The following CLEC4D variants were observed in gnomAD, a reference collection of about 807,000 sequenced individuals.
CLEC4D encodes the protein C-type lectin domain family 4 member D.
A neutral mutation model predicts 21.1 loss-of-function variants in CLEC4D; 21 were observed. That is an observed-to-expected ratio of 1.00 (90% CI 0.71 to 1.43). CLEC4D has a LOEUF of 1.43. Among genes scored for constraint, CLEC4D ranks in the 40% most tolerant of loss-of-function variants. CLEC4D has a pLI of 0.00. For synonymous variants in CLEC4D, 85 were observed against 83.1 expected (o/e 1.02, Z -0.12); for missense variants, 289 against 260.7 (o/e 1.11, Z -0.75).
At position 8,521,117 on chromosome 12, in the gene CLEC4D, C is replaced by T; in HGVS notation, c.501-7C>T. On this transcript the variant is annotated splice_region_variant and splice_polypyrimidine_tract_variant and intron_variant, in intron 5 of 5. Coordinates refer to ENST00000299665, the MANE Select transcript of CLEC4D (RefSeq NM_080387.5). ...ATAAATCTCTATCTATGTTGTTGTT[C>T]TTTCAGATTCTGGCATAAGAATGAA... The T allele has an allele frequency of 6.2e-7, 1 of 1,611,090 alleles. No individual in the cohort carries two copies. Among genetic ancestry groups the T allele is most frequent in the Non-Finnish European group, 8.5e-7 (1 of 1,178,734 alleles).
intron 1 of CLEC4D, among the ~76,000 whole-genome samples, chr12:8,514,110 C>T (rs2136383073): frequency 6.6e-6 from 1 of 151,910 alleles, no homozygotes; most frequent in South Asian, 2.1e-4. Flanking sequence ...TCTAACTGTC[C>T]CATTTTATGT....
Position 8,513,555 on chromosome 12 carries a change from C to T in CLEC4D, c.-178C>T. On this transcript the variant is annotated 5_prime_UTR_variant, in exon 1 of 6. Transcript: ENST00000299665. ...AAACCCCTGTCTTTGAAAAAGACTT[C>T]TTTTGAGCTAACTTTCTTATACTGG... The T allele has an allele frequency of 1.7e-5, 6 of 345,590 alleles. No homozygotes were observed. Among genetic ancestry groups the T allele is most frequent in the South Asian group, 9.7e-5 (1 of 10,278 alleles). The allele number at this position is 345,590 out of a possible 1,614,324, so 21.4% of individuals were successfully genotyped here. A position where few individuals can be genotyped will look rare whatever the true frequency, so the allele number is the denominator to read the frequency against.
rs1382155805 is a variant in CLEC4D at position 8,520,273 on chromosome 12, A to C, written c.432A>C (p.Gly144=). Residue 144 remains glycine, a synonymous_variant, in exon 5 of 6, where the codon GGA becomes GGC. Transcript: ENST00000299665. ...ATAGACGGCTTTCCTATTTCCTTGG[A>C]CTTAGAGATGAGAATGCCAAAGGTC... ...FLDRRLSYFL[G]LRDENAKGQW... is the part of the protein sequence containing the mutation. 6.2e-7 allele frequency: 1 copy of C among 1,613,886 alleles called. No homozygotes were observed. Among genetic ancestry groups the C allele is most frequent in the East Asian group, 2.2e-5 (1 of 44,884 alleles).
At position 8,515,217 on chromosome 12, in the gene CLEC4D, A is replaced by G. The variant is rs747416184; in HGVS notation, c.29-19A>G. On this transcript the variant is annotated intron_variant, in intron 1 of 5. Transcript: ENST00000299665. ...TGTAGCTGAGAGGAGGTTAATCTCT[A>G]TTTTTCTTTTGGTCCTAGTGGAAGG... 1.8e-6 allele frequency: 2 copies of G among 1,139,070 alleles called. No homozygotes were observed. Among genetic ancestry groups the G allele is most frequent in the Admixed American group, 1.7e-5 (1 of 59,380 alleles). The allele number at this position is 1,139,070 out of a possible 1,614,324, so 70.6% of individuals were successfully genotyped here.
At chr12:8,520,395 A>G (rs1013523957) in intron 5 of CLEC4D, 54 bp downstream of exon 5, 38 of 1,577,688 alleles carry the variant, frequency 2.4e-5, no homozygotes, top group Non-Finnish European at 3.2e-5. Context: ...AGAAGATGGT[A>G]GCAAGAAACA....
chr12:8,524,331 C>CTT (rs574264286), downstream of CLEC4D, among the ~76,000 whole-genome samples: 196 of 138,040 alleles, frequency 1.4e-3, no homozygotes, highest in African/African-American at 4.8e-3. Flanking sequence ...TGGTCCTTGG[C>CTT]TTTTTTTTTT....
At chr12:8,515,197 C>T (rs1232668821) in intron 1 of CLEC4D, 39 bp from the exon 2 acceptor site, 20 of 936,504 alleles carry the variant, frequency 2.1e-5, no homozygotes, top group Non-Finnish European at 3.6e-5. Context: ...TAGCTTGTAG[C>T]TGAGAGGAGG....
At chr12:8,529,277 G>C in the CLEC4D span, among the ~76,000 whole-genome samples, 1 of 152,226 alleles carries the variant, frequency 6.6e-6, no homozygotes, top group African/African-American at 2.4e-5. Context: ...CATTTCTGAA[G>C]AGTTAAAAGG....
chr12:8,517,606 A>G (rs1311069496), intron 2 of CLEC4D, among the ~76,000 whole-genome samples: 1 of 152,066 alleles, frequency 6.6e-6, no homozygotes, highest in African/African-American at 2.4e-5. Flanking sequence ...ATAGAAAAAC[A>G]TGCTTGCAAG....
At chr12:8,529,748 G>A in the CLEC4D span, among the ~76,000 whole-genome samples, 5 of 152,186 alleles carry the variant, frequency 3.3e-5, no homozygotes, top group African/African-American at 1.2e-4. Flanking sequence ...GTTGAATACT[G>A]ATTTTTAAAT....
chr12:8,526,943 G>T (rs1278394473), downstream of CLEC4D, among the ~76,000 whole-genome samples: 1 of 151,996 alleles, frequency 6.6e-6, no homozygotes, highest in Non-Finnish European at 1.5e-5. Context: ...CAATGGTCAG[G>T]TCCCTCTTCT....
chr12:8,525,335 A>C (rs774266771), downstream of CLEC4D, among the ~76,000 whole-genome samples: 7 of 152,294 alleles, frequency 4.6e-5, no homozygotes, highest in South Asian at 1.5e-3. Flanking sequence ...TGGGAGTCTA[A>C]GTCTCTTTGT....
downstream of CLEC4D, among the ~76,000 whole-genome samples, chr12:8,524,336 T>A (rs1426704504): frequency 2.1e-5 from 3 of 143,580 alleles, no homozygotes; most frequent in Non-Finnish European, 4.6e-5. Context: ...CTTGGCTTTT[T>A]TTTTTTGTTT....
downstream of CLEC4D, among the ~76,000 whole-genome samples, chr12:8,523,028 A>G (rs1219730780): frequency 4.6e-5 from 7 of 152,060 alleles, no homozygotes; most frequent in Admixed American, 4.6e-4. Context: ...GTTATTGCTG[A>G]AGTCTCTGTT....
intron 4 of CLEC4D, 80 bp from the exon 5 acceptor site, chr12:8,520,146 T>C (rs1460294503): frequency 1.9e-6 from 3 of 1,548,124 alleles, no homozygotes; most frequent in Admixed American, 1.9e-5. Context: ...AGTAATCTAG[T>C]TGACATATTT....
At chr12:8,515,705 C>T (rs1940370459) in intron 2 of CLEC4D, among the ~76,000 whole-genome samples, 2 of 152,090 alleles carry the variant, frequency 1.3e-5, no homozygotes, top group African/African-American at 4.8e-5. Context: ...ATTGTTCTCT[C>T]TCTCTCTTTC....
chr12:8,521,469 GGTTTT>G lies in CLEC4D; in HGVS notation c.*199_*203del. The G allele has an allele frequency of 8.6e-7, 1 of 1,166,558 alleles. No homozygotes were observed. The highest frequency in any genetic ancestry group is 1.1e-6 in the Non-Finnish European group (1 of 902,832). 72.3% of individuals were successfully genotyped at this position (1,166,558 alleles called of 1,614,324 possible). On this transcript the variant is annotated 3_prime_UTR_variant, in exon 6 of 6. Coordinates refer to ENST00000299665, the MANE Select transcript of CLEC4D (RefSeq NM_080387.5). The stretch of plus-strand genomic sequence containing the variant: ...GTGTGTGTGTGTGTGTAGATAATGT[GGTTTT>G]TGTATGGTGTTTGATGGAAGGAATA...
chr12:8,529,268 A>G, the CLEC4D span, among the ~76,000 whole-genome samples: 1 of 152,138 alleles, frequency 6.6e-6, no homozygotes, highest in Admixed American at 6.5e-5. Context: ...GGTGATATAC[A>G]TTTCTGAAGA....
At chr12:8,530,928 C>T in the CLEC4D span, among the ~76,000 whole-genome samples, 1 of 152,200 alleles carries the variant, frequency 6.6e-6, no homozygotes, top group Non-Finnish European at 1.5e-5. Flanking sequence ...AAGTTGGTTG[C>T]ACGACATATA....
Sources: gnomAD v4.1 joint callset for allele counts (sites outside exome capture counted in the v4.1 genomes callset) on GRCh38, gnomAD v4.1.1 for gene constraint, MANE v1.5 for transcripts, NCBI Gene and HGNC (gene_info 2026-07-23, HGNC 2026-07-21) for gene names.